SH3RF1: variants seen among roughly 807,000 people sequenced by gnomAD.
SH3RF1 encodes SH3 domain containing ring finger 1, also known as E3 ubiquitin-protein ligase SH3RF1.
Under a neutral mutation model 74.0 loss-of-function variants are expected in SH3RF1, and 32 were observed. That is an observed-to-expected ratio of 0.43 (90% CI 0.33 to 0.58). The LOEUF (loss-of-function observed/expected upper bound fraction) is 0.58, where lower values mean the gene tolerates loss of function less well. Among genes scored for constraint, SH3RF1 ranks in the 20% least tolerant of loss-of-function variants. The pLI is 0.05. For synonymous variants in SH3RF1, 396 were observed against 439.6 expected (o/e 0.90, Z 1.24); for missense variants, 954 against 1,130.9 (o/e 0.84, Z 2.24).
At chr4:169,192,562 A>G (rs977296623) in intron 2 of SH3RF1, among the ~76,000 whole-genome samples, 2 of 152,118 alleles carry the variant, frequency 1.3e-5, no homozygotes, top group African/African-American at 2.4e-5. Context: ...TACAACCACT[A>G]TGGAAAACAG....
rs1733362970 is a variant in SH3RF1 at position 169,117,799 on chromosome 4, A to G, written c.1518-17T>C. The G allele has an allele frequency of 6.3e-7, 1 of 1,599,642 alleles. No individual in the cohort carries two copies. The highest frequency in any genetic ancestry group is 2.2e-5 in the East Asian group (1 of 44,500). ...GTCACCGCCCTGCCAAGACACAAAC[A>G]TAGATGGAAAGCCCAGTCCATCAGC... is the stretch of plus-strand genomic sequence containing the variant. On this transcript the variant is annotated splice_polypyrimidine_tract_variant and intron_variant, in intron 8 of 11. Transcript: ENST00000284637.
At chr4:169,234,075 A>T (rs1730787284) in intron 2 of SH3RF1, among the ~76,000 whole-genome samples, 1 of 152,152 alleles carries the variant, frequency 6.6e-6, no homozygotes, top group Non-Finnish European at 1.5e-5. Flanking sequence ...TGTTTAGACC[A>T]CCGGAACACC....
intron 2 of SH3RF1, among the ~76,000 whole-genome samples, chr4:169,231,949 C>G (rs1730749041): frequency 6.6e-6 from 1 of 152,142 alleles, no homozygotes; most frequent in Non-Finnish European, 1.5e-5. Context: ...AAATTTTTTC[C>G]TCTAATGGAG....
chr4:169,128,805 A>G (rs1733566503), intron 6 of SH3RF1, among the ~76,000 whole-genome samples: 2 of 152,202 alleles, frequency 1.3e-5, no homozygotes, highest in African/African-American at 4.8e-5. Flanking sequence ...CACAACCTAA[A>G]AACAAACCAG....
chr4:169,212,612 C>A (rs1158559319), intron 2 of SH3RF1, among the ~76,000 whole-genome samples: 6 of 152,126 alleles, frequency 3.9e-5, no homozygotes, highest in African/African-American at 1.4e-4. Flanking sequence ...CCCATATACT[C>A]CTAAACACAG....
At chr4:169,183,711 G>A (rs538507247) in intron 2 of SH3RF1, among the ~76,000 whole-genome samples, 2 of 148,938 alleles carry the variant, frequency 1.3e-5, no homozygotes, top group Non-Finnish European at 3.0e-5. Context: ...CTGTGCCACC[G>A]CACTGCAGCC....
intron 2 of SH3RF1, among the ~76,000 whole-genome samples, chr4:169,236,324 G>A (rs1730823132): frequency 6.6e-6 from 1 of 152,200 alleles, no homozygotes; most frequent in Non-Finnish European, 1.5e-5. Flanking sequence ...CTGGAAGCAT[G>A]TGCTGAGATG....
At chr4:169,175,050 G>T (rs974174960) in intron 2 of SH3RF1, among the ~76,000 whole-genome samples, 14 of 152,068 alleles carry the variant, frequency 9.2e-5, no homozygotes, top group African/African-American at 3.4e-4. Flanking sequence ...TTGGTAAATA[G>T]CCCACTGTTC....
chr4:169,106,566 G>A (rs1034717795), intron 11 of SH3RF1, among the ~76,000 whole-genome samples: 1 of 152,020 alleles, frequency 6.6e-6, no homozygotes, highest in Non-Finnish European at 1.5e-5. Flanking sequence ...CAGTTTCCCA[G>A]TGATTGACAG....
At chr4:169,258,741 A>T (rs964015972) in intron 2 of SH3RF1, among the ~76,000 whole-genome samples, 2 of 152,192 alleles carry the variant, frequency 1.3e-5, no homozygotes, top group Non-Finnish European at 2.9e-5. Flanking sequence ...TAAGGTCTGA[A>T]ATCTAGTTTT....
intron 11 of SH3RF1, among the ~76,000 whole-genome samples, chr4:169,101,990 T>C (rs1003393178): frequency 6.6e-6 from 1 of 152,204 alleles, no homozygotes; most frequent in African/African-American, 2.4e-5. Flanking sequence ...ATACATTTCC[T>C]GTTTCCTTTA....
At chr4:169,158,962 G>A (rs774304491) in intron 2 of SH3RF1, among the ~76,000 whole-genome samples, 3 of 152,200 alleles carry the variant, frequency 2.0e-5, no homozygotes, top group Non-Finnish European at 4.4e-5. Context: ...TGATGTTGTA[G>A]TTGGTTAATT....
At chr4:169,170,069 TAAA>T (rs908535469) in intron 2 of SH3RF1, among the ~76,000 whole-genome samples, 1 of 140,866 alleles carries the variant, frequency 7.1e-6, no homozygotes, top group African/African-American at 2.6e-5. Context: ...GAGGCTTCCT[TAAA>T]AAAAAAAAAA....
chr4:169,158,329 T>A (rs1734095556), intron 2 of SH3RF1, among the ~76,000 whole-genome samples: 2 of 152,114 alleles, frequency 1.3e-5, no homozygotes, highest in Non-Finnish European at 2.9e-5. Context: ...GTAAGGGCAT[T>A]CCAGGCAGAG....
intron 2 of SH3RF1, among the ~76,000 whole-genome samples, chr4:169,210,459 T>C (rs767020673): frequency 6.6e-6 from 1 of 152,262 alleles, no homozygotes; most frequent in Non-Finnish European, 1.5e-5. Flanking sequence ...AGTGAAACAT[T>C]ATGCAGATTT....
intron 2 of SH3RF1, among the ~76,000 whole-genome samples, chr4:169,247,082 G>C (rs765974568): frequency 2.0e-5 from 3 of 152,190 alleles, no homozygotes; most frequent in Non-Finnish European, 2.9e-5. Flanking sequence ...ACTTCAAGGG[G>C]CTATTTAGCA....
intron 6 of SH3RF1, among the ~76,000 whole-genome samples, chr4:169,127,812 C>T (rs962642198): frequency 1.3e-5 from 2 of 152,144 alleles, no homozygotes; most frequent in African/African-American, 4.8e-5. Context: ...ATTTTCAGCC[C>T]ACAAGAGCTA....
At chr4:169,210,511 T>C (rs982382382) in intron 2 of SH3RF1, among the ~76,000 whole-genome samples, 2 of 152,226 alleles carry the variant, frequency 1.3e-5, no homozygotes, top group Non-Finnish European at 1.5e-5. Flanking sequence ...TCTTTTAAAA[T>C]TAAATAAAAC....
intron 2 of SH3RF1, among the ~76,000 whole-genome samples, chr4:169,260,907 T>C (rs1024458419): frequency 6.6e-6 from 1 of 152,180 alleles, no homozygotes; most frequent in Non-Finnish European, 1.5e-5. Context: ...TTCAGTAACT[T>C]TGGTTCTCAT....
Sources: allele counts gnomAD v4.1 joint callset (sites outside exome capture counted in the v4.1 genomes callset), GRCh38; gene constraint gnomAD v4.1.1; transcripts MANE v1.5; gene names NCBI Gene and HGNC (gene_info 2026-07-23, HGNC 2026-07-21).